UBE2G1: variants seen among roughly 807,000 people sequenced by gnomAD.
The protein encoded by UBE2G1 is ubiquitin-conjugating enzyme E2 G1.
In UBE2G1, 5 loss-of-function variants were observed where a neutral mutation model predicts 22.7. The observed-to-expected ratio is 0.22, with a 90% CI of 0.12 to 0.46. UBE2G1 has a LOEUF of 0.46. Ranked by LOEUF, UBE2G1 falls within the 20% of genes least tolerant of loss-of-function variation. The pLI is 0.99. For missense variants in UBE2G1, 88 were observed against 203.9 expected, an observed-to-expected ratio of 0.43 and a Z score of 3.46; for synonymous variants, 74 against 67.5, an observed-to-expected ratio of 1.10 and a Z score of -0.47.
chr17:4,349,713 T>C (rs1390929469), intron 1 of UBE2G1, among the ~76,000 whole-genome samples: 1 of 151,132 alleles, frequency 6.6e-6, no homozygotes, highest in African/African-American at 2.4e-5. Flanking sequence ...CGTGGTGGCA[T>C]GCACCAGTAG....
chr17:4,287,307 T>A (rs8182323), intron 4 of UBE2G1, among the ~76,000 whole-genome samples: 144,373 of 151,578 alleles, frequency 0.95, 69,188 homozygotes, highest in East Asian at 1. Context: ...GGGTTTCACT[T>A]TGGCCAGGCT....
At chr17:4,322,008 A>G (rs4790611) in intron 1 of UBE2G1, among the ~76,000 whole-genome samples, 12,179 of 152,292 alleles carry the variant, frequency 0.08, 647 homozygotes, top group Non-Finnish European at 0.11. Flanking sequence ...ACAAGTCAGA[A>G]TGACAGCTTT....
chr17:4,342,842 C>T (rs992252909), intron 1 of UBE2G1, among the ~76,000 whole-genome samples: 1 of 152,008 alleles, frequency 6.6e-6, no homozygotes, highest in Non-Finnish European at 1.5e-5. Context: ...AAATCCTTAC[C>T]TGTAAAAAAT....
intron 1 of UBE2G1, among the ~76,000 whole-genome samples, chr17:4,308,983 G>A (rs1480883498): frequency 6.6e-6 from 1 of 152,212 alleles, no homozygotes; most frequent in Non-Finnish European, 1.5e-5. Flanking sequence ...TTTAGGCAGG[G>A]CGTGGTGGCT....
At chr17:4,328,857 C>T (rs563609458) in intron 1 of UBE2G1, among the ~76,000 whole-genome samples, 10 of 152,198 alleles carry the variant, frequency 6.6e-5, no homozygotes, top group African/African-American at 1.9e-4. Flanking sequence ...GAGGCCGGGG[C>T]GGGCAGATCA....
intron 1 of UBE2G1, among the ~76,000 whole-genome samples, chr17:4,352,390 A>C (rs1969855266): frequency 1.3e-5 from 2 of 152,138 alleles, no homozygotes; most frequent in Admixed American, 1.3e-4. Context: ...CCACTGCACC[A>C]GGCCTAAACT....
chr17:4,308,991 G>T (rs1969278205), intron 1 of UBE2G1, among the ~76,000 whole-genome samples: 1 of 152,198 alleles, frequency 6.6e-6, no homozygotes, highest in Non-Finnish European at 1.5e-5. Context: ...GGGCGTGGTG[G>T]CTCACACCTG....
chr17:4,315,219 G>A (rs1054958735), intron 1 of UBE2G1, among the ~76,000 whole-genome samples: 1 of 152,004 alleles, frequency 6.6e-6, no homozygotes, highest in Non-Finnish European at 1.5e-5. Context: ...AGTACATGGA[G>A]GCCCATTATA....
chr17:4,296,197 C>T (rs545175238), intron 3 of UBE2G1, among the ~76,000 whole-genome samples: 2 of 151,882 alleles, frequency 1.3e-5, no homozygotes, highest in Middle Eastern at 3.2e-3. Flanking sequence ...GTTTAAAACA[C>T]GAGTCTCAAA....
At chr17:4,308,606 T>C (rs909211432) in intron 1 of UBE2G1, among the ~76,000 whole-genome samples, 1 of 152,142 alleles carries the variant, frequency 6.6e-6, no homozygotes, top group African/African-American at 2.4e-5. Context: ...ATCACAATAG[T>C]GAATGCATGT....
chr17:4,356,192 C>T (rs2143825633), intron 1 of UBE2G1, among the ~76,000 whole-genome samples: 1 of 150,426 alleles, frequency 6.6e-6, no homozygotes, highest in Middle Eastern at 3.4e-3. Flanking sequence ...CCCGTCTCTA[C>T]TAAAAAATAC....
chr17:4,350,823 G>T (rs1181349990), intron 1 of UBE2G1, among the ~76,000 whole-genome samples: 3 of 152,034 alleles, frequency 2.0e-5, no homozygotes, highest in Admixed American at 6.6e-5. Flanking sequence ...ACGAGGTCAG[G>T]AGGTCGAGAC....
intron 2 of UBE2G1, among the ~76,000 whole-genome samples, chr17:4,305,142 A>C (rs931718837): frequency 6.6e-6 from 1 of 151,960 alleles, no homozygotes; most frequent in Non-Finnish European, 1.5e-5. Context: ...TTTAGTAGAG[A>C]CAGGGTTTCT....
intron 1 of UBE2G1, among the ~76,000 whole-genome samples, chr17:4,309,970 T>C (rs549872919): frequency 3.3e-5 from 5 of 152,228 alleles, no homozygotes; most frequent in African/African-American, 9.6e-5. Flanking sequence ...ACAGGCATAA[T>C]TGTGTCCTTT....
chr17:4,277,420 C>G (rs981986237), intron 5 of UBE2G1, among the ~76,000 whole-genome samples: 10 of 152,146 alleles, frequency 6.6e-5, no homozygotes, highest in African/African-American at 2.4e-4. Context: ...AGAACGGAGT[C>G]CTCCTGTCCA....
At chr17:4,276,461 C>G (rs11654273) in intron 5 of UBE2G1, among the ~76,000 whole-genome samples, 81,694 of 152,038 alleles carry the variant, frequency 0.54, 25,656 homozygotes, top group East Asian at 0.8. Context: ...CCCTGGCCTC[C>G]ACTGAAGTTT....
At chr17:4,343,923 C>G (rs1197714769) in intron 1 of UBE2G1, among the ~76,000 whole-genome samples, 1 of 152,046 alleles carries the variant, frequency 6.6e-6, no homozygotes, top group African/African-American at 2.4e-5. Flanking sequence ...AACATTTATA[C>G]TGGTAGATTT....
rs568881505 is a variant in UBE2G1 at position 4,351,092 on chromosome 17, G to A, written c.46+15179C>T. Among the ~76,000 whole-genome samples the A allele has an allele frequency of 4.6e-5, 7 of 151,410 alleles. No homozygotes were observed. The East Asian group carries it at 9.7e-4, about 21-fold the overall frequency. ...TGCGTGCCTGTAATCCCAGCTACTC[G>A]GGACTCTGAGACAGGAGAATCACCT... On this transcript the variant is annotated intron_variant, in intron 1 of 5. Transcript: ENST00000396981.
At chr17:4,287,068 T>C (rs575216187) in intron 4 of UBE2G1, among the ~76,000 whole-genome samples, 17 of 149,008 alleles carry the variant, frequency 1.1e-4, no homozygotes, top group Non-Finnish European at 1.9e-4. Context: ...AATAAATACA[T>C]ACATAAAATA....
Sources: gnomAD v4.1 joint callset for allele counts (sites outside exome capture counted in the v4.1 genomes callset) on GRCh38, gnomAD v4.1.1 for gene constraint, MANE v1.5 for transcripts, NCBI Gene and HGNC (gene_info 2026-07-23, HGNC 2026-07-21) for gene names.